LPL: variants seen among roughly 807,000 people sequenced by gnomAD.
LPL encodes phospholipase A1.
LPL carries 43 observed loss-of-function variants against 52.2 expected under a neutral mutation model. That is an observed-to-expected ratio of 0.82 (90% CI 0.64 to 1.06). LPL has a LOEUF of 1.06. Among genes scored for constraint, LPL ranks in the 50% least tolerant of loss-of-function variants. LPL has a pLI of 0.00. For missense variants in LPL, 639 were observed against 585.3 expected (o/e 1.09, Z -0.95); for synonymous variants, 244 against 215.6 (o/e 1.13, Z -1.15).
In LPL at chr8:19,939,718, C is replaced by T. The variant is rs1388358207; in HGVS notation, c.88+190C>T. Among the ~76,000 whole-genome samples, 1 of 152,190 alleles carries T rather than the reference C, an allele frequency of 6.6e-6. No individual in the cohort carries two copies. The highest frequency in any genetic ancestry group is 1.9e-4 in the East Asian group (1 of 5,162). ...GAGGGGCCGGGAGGGAATCTCCTCC[C>T]GATCGTGAAGCGGCGGCGCCCAGTT... is the stretch of plus-strand genomic sequence containing the variant. On this transcript the variant is annotated intron_variant, in intron 1 of 9. Coordinates refer to ENST00000650287, the MANE Select transcript of LPL (RefSeq NM_000237.3). This position sits in a 1 kb window ranked among gnomAD's most constrained non-coding sequence, Gnocchi z 4.0.
rs2069929822 is a variant in LPL, at chr8:19,950,975, C to T, written c.250-794C>T. Among the ~76,000 whole-genome samples the T allele has an allele frequency of 1.3e-5, 2 of 150,108 alleles. No homozygotes were observed. The highest frequency in any genetic ancestry group is 3.0e-5 in the Non-Finnish European group (2 of 67,696). The stretch of plus-strand genomic sequence containing the variant: ...GAAGGAAGAACAAAGAAAAGAGAAA[C>T]ACTGGTAGTACAGAAAAACTTCTGA... On this transcript the variant is annotated intron_variant, in intron 2 of 9. Coordinates refer to ENST00000650287, the MANE Select transcript of LPL (RefSeq NM_000237.3). The surrounding 1 kb of genome is among the most constrained non-coding windows in gnomAD (Gnocchi z 4.2).
intron 1 of LPL, among the ~76,000 whole-genome samples, chr8:19,941,413 T>G (rs376316225): frequency 1.3e-5 from 2 of 152,316 alleles, no homozygotes; most frequent in South Asian, 4.1e-4. Context: ...TTCAAGATCC[T>G]AAATTCTTGG....
chr8:19,961,261 G>T (rs1299324484), intron 8 of LPL, among the ~76,000 whole-genome samples, 178 bp downstream of exon 8: 3 of 25,862 alleles, frequency 1.2e-4, no homozygotes, highest in Non-Finnish European at 2.1e-4. Flanking sequence ...TTGGGGGGCA[G>T]GGGGGGGGAA....
chr8:19,959,256 A>G lies in LPL; in HGVS notation c.1019-4A>G, dbSNP rs754548566. ...TCAACATGTTCGAATTTCCTCCCCA[A>G]CAGTCTTCCATTACCAAGTAAAGAT... is the stretch of plus-strand genomic sequence containing the variant. On this transcript the variant is annotated splice_polypyrimidine_tract_variant and splice_region_variant and intron_variant, in intron 6 of 9. Coordinates refer to ENST00000650287, the MANE Select transcript of LPL (RefSeq NM_000237.3). 5 of 1,614,126 alleles carry G rather than the reference A, an allele frequency of 3.1e-6. No homozygotes were observed. In the East Asian group the frequency reaches 6.7e-5, roughly 22 times the overall value.
In LPL at chr8:19,954,302, G is replaced by C; in HGVS notation, c.724G>C (p.Gly242Arg). Reference sequence around the variant, plus strand: ...CCCGAATGGAGGTACTTTTCAGCCAGGATGTAACATTGGAGAAGCTATCCG... The same window carrying C: ...CCCGAATGGAGGTACTTTTCAGCCACGATGTAACATTGGAGAAGCTATCCG... ...IYPNGGTFQP[G>R]CNIGEAIRVI... is the part of the protein sequence containing the mutation. Residue 242 changes from glycine (G) to arginine (R), a missense_variant, in exon 5 of 10, where the codon GGA becomes CGA. Physicochemically the swap from Gly to Arg is moderately radical, Grantham distance 125 (BLOSUM62 -2). Coordinates refer to ENST00000650287, the MANE Select transcript of LPL (RefSeq NM_000237.3). 1 of 1,614,204 alleles carries C rather than the reference G, an allele frequency of 6.2e-7. No individual in the cohort carries two copies.
At chr8:19,953,831 C>T (rs891017431) in intron 4 of LPL, among the ~76,000 whole-genome samples, 3 of 152,166 alleles carry the variant, frequency 2.0e-5, no homozygotes, top group Non-Finnish European at 2.9e-5. Context: ...AGAAAGAACC[C>T]ACCACTGTTT....
Position 19,939,308 on chromosome 8 carries a change from C to A in LPL, c.-133C>A. 1.3e-6 allele frequency: 1 copy of A among 743,414 alleles called. No homozygotes were observed. The highest frequency in any genetic ancestry group is 1.6e-5 in the South Asian group (1 of 62,080). The allele number at this position is 743,414 out of a possible 1,614,324, so 46.1% of individuals were successfully genotyped here. The stretch of plus-strand genomic sequence containing the variant: ...TCAAGGGAAAGCTGCCCACTTCTAG[C>A]TGCCCTGCCATCCCCTTTAAAGGGC... On this transcript the variant is annotated 5_prime_UTR_variant, in exon 1 of 10. The change creates a new upstream start codon in the 5' untranslated region. Transcript: ENST00000650287. The surrounding 1 kb of genome is among the most constrained non-coding windows in gnomAD (Gnocchi z 4.0).
intron 6 of LPL, among the ~76,000 whole-genome samples, chr8:19,958,776 C>T (rs1298997180): frequency 6.6e-6 from 1 of 152,116 alleles, no homozygotes; most frequent in Non-Finnish European, 1.5e-5. Flanking sequence ...GATCCTGTGA[C>T]CGGAAGCCCG....
intron 5 of LPL, among the ~76,000 whole-genome samples, chr8:19,955,246 A>C (rs1250837820): frequency 2.0e-5 from 3 of 152,178 alleles, no homozygotes; most frequent in African/African-American, 7.2e-5. Flanking sequence ...GATAAAATAC[A>C]ATTCATTTAA....
rs2070094328 is a variant in LPL, at chr8:19,966,881, A to G, written c.*1571A>G. ...TTGTTGGCATCCCCTTTATTAATTC[A>G]TTAAATTTCTGGATTTGGGTTGTGA... On this transcript the variant is annotated 3_prime_UTR_variant, in exon 10 of 10. Transcript: ENST00000650287. 6.6e-6 allele frequency: 1 copy of G among 152,598 alleles called. No homozygotes were observed. Among genetic ancestry groups the G allele is most frequent in the South Asian group, 2.1e-4 (1 of 4,836 alleles). The allele number at this position is 152,598 out of a possible 1,614,324, so 9.5% of individuals were successfully genotyped here.
Position 19,944,686 on chromosome 8 carries a change from C to T in LPL, c.89-3494C>T, listed in dbSNP as rs770930928. ...CCCTCTATACATTTATCTTTCTCTA[C>T]GTGCTTTAACTTCTCAGCCTAATTT... On this transcript the variant is annotated intron_variant, in intron 1 of 9. Transcript: ENST00000650287. This position sits in a 1 kb window ranked among gnomAD's most constrained non-coding sequence, Gnocchi z 4.2. 6.6e-5 allele frequency among the ~76,000 whole-genome samples: 10 copies of T among 152,156 alleles called. No individual in the cohort carries two copies. Among genetic ancestry groups the T allele is most frequent in the Non-Finnish European group, 8.8e-5 (6 of 68,018 alleles).
chr8:19,943,655 C>G (rs1243392278), intron 1 of LPL, among the ~76,000 whole-genome samples: 1 of 152,148 alleles, frequency 6.6e-6, no homozygotes, highest in Non-Finnish European at 1.5e-5. Context: ...TGTGATGACA[C>G]TCAACCAAAT....
At position 19,954,119 on chromosome 8, in the gene LPL, G is replaced by A. The variant is rs1307212094; in HGVS notation, c.542-1G>A. On this transcript the variant is annotated splice_acceptor_variant, in intron 4 of 9. Transcript: ENST00000650287. LOFTEE classifies it high-confidence loss of function. ...GTGTTCCTGCTTTTTTCCCTTTTAA[G>A]GCCTCGATCCAGCTGGACCTAACTT... The A allele has an allele frequency of 6.2e-7, 1 of 1,611,422 alleles. No individual in the cohort carries two copies. The highest frequency in any genetic ancestry group is 1.3e-5 in the African/African-American group (1 of 74,960).
chr8:19,956,195 C>T (rs2069984323), intron 6 of LPL, 112 bp downstream of exon 6: 1 of 1,463,054 alleles, frequency 6.8e-7, no homozygotes, highest in East Asian at 2.3e-5. Context: ...ACTGGTGTTA[C>T]TAAACCCTGA....
At position 19,951,760 on chromosome 8, in the gene LPL, C is replaced by G. The variant is rs1444509828; in HGVS notation, c.250-9C>G. On this transcript the variant is annotated splice_polypyrimidine_tract_variant and intron_variant, in intron 2 of 9. Transcript: ENST00000650287. ...GGTATTTTAAGAAAGCTTGTGTCATCATCTTCAGGTAACAGGAATGTATGA... is the reference window on the plus strand; with the variant it reads ...GGTATTTTAAGAAAGCTTGTGTCATGATCTTCAGGTAACAGGAATGTATGA... The G allele has an allele frequency of 1.2e-6, 2 of 1,613,930 alleles. No homozygotes were observed. The highest frequency in any genetic ancestry group is 1.3e-5 in the African/African-American group (1 of 74,898).
At chr8:19,948,647 G>C (rs954052682) in intron 2 of LPL, among the ~76,000 whole-genome samples, 1 of 152,234 alleles carries the variant, frequency 6.6e-6, no homozygotes, top group African/African-American at 2.4e-5. Context: ...ATTGCTGTGG[G>C]GAACCGGTGG....
intron 1 of LPL, among the ~76,000 whole-genome samples, chr8:19,943,112 C>G (rs575187075): frequency 6.6e-6 from 1 of 152,364 alleles, no homozygotes; most frequent in East Asian, 1.9e-4. Flanking sequence ...TCACAGCACT[C>G]AACCCACTTT....
chr8:19,960,858 G>T, intron 7 of LPL, 43 bp from the exon 8 acceptor site: 1 of 1,470,056 alleles, frequency 6.8e-7, no homozygotes, highest in Non-Finnish European at 9.5e-7. Flanking sequence ...GGCAGGGAGA[G>T]CTGATCTCTA....
rs1197966250 is a variant in LPL, at chr8:19,942,574, T to C, written c.88+3046T>C. 5.9e-5 allele frequency among the ~76,000 whole-genome samples: 9 copies of C among 152,242 alleles called. No individual in the cohort carries two copies. The East Asian group carries it at 1.7e-3, about 29-fold the overall frequency. ...ACCACAGTGAACTAAATACCTTTTA[T>C]CAACAGAGACTTTCTAACCTGGGAG... On this transcript the variant is annotated intron_variant, in intron 1 of 9. Transcript: ENST00000650287.
Sources: gnomAD v4.1 joint callset for allele counts (sites outside exome capture counted in the v4.1 genomes callset) on GRCh38, gnomAD v4.1.1 for gene constraint, Gnocchi (gnomAD v3.1) non-coding constraint, MANE v1.5 for transcripts, NCBI Gene and HGNC (gene_info 2026-07-23, HGNC 2026-07-21) for gene names.